Variants in FAM83F observed in about 807,000 individuals in gnomAD.
The protein encoded by FAM83F is protein FAM83F.
FAM83F carries 45 observed loss-of-function variants against 42.9 expected under a neutral mutation model. That is an observed-to-expected ratio of 1.05 (90% CI 0.83 to 1.35). The LOEUF (loss-of-function observed/expected upper bound fraction) is 1.35. FAM83F is among the 40% of genes most tolerant of loss of function. The pLI, the probability that FAM83F is intolerant of heterozygous loss-of-function variation, is 0.00. For missense variants in FAM83F, 617 were observed against 695.9 expected (o/e 0.89, Z 1.28); for synonymous variants, 306 against 298.3 (o/e 1.03, Z -0.27).
chr22:40,014,679 C>T (rs995454148), intron 1 of FAM83F, among the ~76,000 whole-genome samples: 1 of 152,152 alleles, frequency 6.6e-6, no homozygotes, highest in Admixed American at 6.5e-5. Flanking sequence ...TACATCTCCT[C>T]CTTTTTTGTC....
At chr22:40,010,049 T>C (rs1203453174) in intron 1 of FAM83F, 1 of 152,204 alleles carries the variant, frequency 6.6e-6, no homozygotes. Context: ...CCAATGCGCC[T>C]GCGACAGCTT....
chr22:40,017,535 G>A (rs993743506), intron 1 of FAM83F, among the ~76,000 whole-genome samples: 1 of 152,200 alleles, frequency 6.6e-6, no homozygotes, highest in Admixed American at 6.5e-5. Flanking sequence ...GCCTGGCCCT[G>A]CACTCAGCAC....
At chr22:40,005,516 G>A (rs1243634755) in intron 1 of FAM83F, among the ~76,000 whole-genome samples, 2 of 152,256 alleles carry the variant, frequency 1.3e-5, no homozygotes, top group Admixed American at 6.5e-5. Context: ...GTCACAACAC[G>A]TGGCTGTTCA....
Position 40,019,351 on chromosome 22 carries a change from G to A in FAM83F, c.657+16G>A, listed in dbSNP as rs755672709. 1.9e-6 allele frequency: 3 copies of A among 1,611,044 alleles called. No homozygotes were observed. The highest frequency in any genetic ancestry group is 1.3e-5 in the African/African-American group (1 of 74,856). ...CCGGATTCGGGTAAGTTGCACCACT[G>A]GGGTGGAAAGTGGACAGGAGATGAG... On this transcript the variant is annotated intron_variant, in intron 2 of 4. Transcript: ENST00000333407.
rs1435816232 is a variant in FAM83F at position 40,043,120 on chromosome 22, A to G, written c.*13555A>G. ...ATTTGCTGAAAGGCTCTAAGTGTTG[A>G]GCATTGTTACTATGTTACAATGGTT... On this transcript the variant is annotated 3_prime_UTR_variant, in exon 5 of 5. Coordinates refer to ENST00000333407, the MANE Select transcript of FAM83F (RefSeq NM_138435.4). 1 of 152,176 alleles carries G rather than the reference A, an allele frequency of 6.6e-6. No individual in the cohort carries two copies. The highest frequency in any genetic ancestry group is 1.5e-5 in the Non-Finnish European group (1 of 68,044). The allele number at this position is 152,176 out of a possible 1,614,324, so 9.4% of individuals were successfully genotyped here.
rs368950991 is a variant in FAM83F, at chr22:40,005,856, G to A, written c.489+10325G>A. Among the ~76,000 whole-genome samples, 75 of 152,322 alleles carry A rather than the reference G, an allele frequency of 4.9e-4. 2 individuals carry two copies. In the South Asian group the frequency reaches 0.013, roughly 27 times the overall value. ...ATTAGTGAGTCCAAGACAATGGAAC[G>A]CGGCCACAGATAGCTGGGAAGCCCC... On this transcript the variant is annotated intron_variant, in intron 1 of 4. Coordinates refer to ENST00000333407, the MANE Select transcript of FAM83F (RefSeq NM_138435.4).
intron 1 of FAM83F, among the ~76,000 whole-genome samples, chr22:40,010,394 T>C (rs1330538709): frequency 1.3e-5 from 2 of 152,130 alleles, no homozygotes; most frequent in African/African-American, 4.8e-5. Context: ...CGGAGGGTAA[T>C]TATCACTTCT....
intron 1 of FAM83F, among the ~76,000 whole-genome samples, chr22:40,001,786 G>A (rs1211481904): frequency 6.6e-6 from 1 of 152,222 alleles, no homozygotes; most frequent in Non-Finnish European, 1.5e-5. Flanking sequence ...TGTCATCTCT[G>A]CCTTTTTGCA....
At chr22:40,015,880 C>T (rs962249826) in intron 1 of FAM83F, among the ~76,000 whole-genome samples, 1 of 152,184 alleles carries the variant, frequency 6.6e-6, no homozygotes, top group African/African-American at 2.4e-5. Flanking sequence ...TTGAAATCAG[C>T]GTTGTAGCTT....
chr22:40,006,135 G>T (rs1049153860), intron 1 of FAM83F, among the ~76,000 whole-genome samples: 1 of 152,142 alleles, frequency 6.6e-6, no homozygotes, highest in South Asian at 2.1e-4. Flanking sequence ...AGCTACTCGG[G>T]AGGCTGGGGC....
chr22:40,029,666 G>C lies in FAM83F; in HGVS notation c.*101G>C. On this transcript the variant is annotated 3_prime_UTR_variant, in exon 5 of 5. Coordinates refer to ENST00000333407, the MANE Select transcript of FAM83F (RefSeq NM_138435.4). Reference sequence around the variant, plus strand: ...CACTGCACCAGTTTGCACATCAGACGCCAACTGGCCTTCTGCCCTGCAGCC... The same window carrying C: ...CACTGCACCAGTTTGCACATCAGACCCCAACTGGCCTTCTGCCCTGCAGCC... 1 of 1,498,960 alleles carries C rather than the reference G, an allele frequency of 6.7e-7. No homozygotes were observed. The highest frequency in any genetic ancestry group is 9.0e-7 in the Non-Finnish European group (1 of 1,113,722). 92.9% of individuals were successfully genotyped at this position (1,498,960 alleles called of 1,614,324 possible). A position where few individuals can be genotyped will look rare whatever the true frequency, so the allele number is the denominator to read the frequency against.
rs915355558 is a variant in FAM83F, at chr22:40,021,952, C to T, written c.1442C>T (p.Ala481Val). ...AAGAGGCCCAACGAGAATTCCAGTG[C>T]TGACATCTCAGGTGAGCCCTCTTCC... The part of the protein sequence containing the change: ...TGKRPNENSS[A>V]DISGKTSPSS... Residue 481 changes from alanine (A) to valine (V), a missense_variant, in exon 4 of 5, where the codon GCT (alanine) becomes GTT (valine). Ala to Val is a moderately conservative substitution (Grantham distance 64). Coordinates refer to ENST00000333407, the MANE Select transcript of FAM83F (RefSeq NM_138435.4). The surrounding 1 kb of genome is among the most constrained non-coding windows in gnomAD (Gnocchi z 8.7). 6.4e-7 allele frequency: 1 copy of T among 1,559,896 alleles called. No homozygotes were observed.
intron 1 of FAM83F, among the ~76,000 whole-genome samples, chr22:40,005,374 A>AGCT (rs2067422185): frequency 6.6e-6 from 1 of 152,216 alleles, no homozygotes; most frequent in Admixed American, 6.5e-5. Flanking sequence ...TGTTAAAATG[A>AGCT]GCTTGCATTA....
At position 39,995,499 on chromosome 22, in the gene FAM83F, G is replaced by T; in HGVS notation, c.457G>T (p.Val153Leu). 1.9e-6 allele frequency: 3 copies of T among 1,577,640 alleles called. No homozygotes were observed. Among genetic ancestry groups the T allele is most frequent in the South Asian group, 1.2e-5 (1 of 86,496 alleles). ...CGAGAAGGCGCCGCACCTCAAGCAG[G>T]TGGTCAGGCAGATGATCCAACAGGC... The part of the protein sequence containing the change: ...KDEKAPHLKQ[V>L]VRQMIQQAQK... Residue 153 changes from valine (V) to leucine (L), a missense_variant, in exon 1 of 5, where the codon GTG becomes TTG. Coordinates refer to ENST00000333407, the MANE Select transcript of FAM83F (RefSeq NM_138435.4). This position sits in a 1 kb window ranked among gnomAD's most constrained non-coding sequence, Gnocchi z 4.6.
At chr22:39,999,837 C>T (rs1460831879) in intron 1 of FAM83F, among the ~76,000 whole-genome samples, 1 of 152,210 alleles carries the variant, frequency 6.6e-6, no homozygotes, top group Admixed American at 6.5e-5. Context: ...CCAGGCTGGT[C>T]CCTAACCCAC....
intron 4 of FAM83F, among the ~76,000 whole-genome samples, chr22:40,028,603 G>A (rs867873856): frequency 5.3e-5 from 8 of 152,316 alleles, no homozygotes; most frequent in African/African-American, 1.9e-4. Context: ...CCGGAGGTCC[G>A]AGAGCAGGAA....
chr22:40,030,876 A>G lies in FAM83F; in HGVS notation c.*1311A>G, dbSNP rs944679007. 6.6e-6 allele frequency: 1 copy of G among 152,310 alleles called. No homozygotes were observed. Among genetic ancestry groups the G allele is most frequent in the Non-Finnish European group, 1.5e-5 (1 of 68,142 alleles). The allele number at this position is 152,310 out of a possible 1,614,324, so 9.4% of individuals were successfully genotyped here. On this transcript the variant is annotated 3_prime_UTR_variant, in exon 5 of 5. Transcript: ENST00000333407. Reference sequence around the variant, plus strand: ...CTTTCCTTCTAAAAAACCCTAGGACACTACCAGCACCTGGGGGAGGGGTAC... The same window carrying G: ...CTTTCCTTCTAAAAAACCCTAGGACGCTACCAGCACCTGGGGGAGGGGTAC...
chr22:40,021,839 C>A lies in FAM83F; in HGVS notation c.1329C>A (p.Phe443Leu), dbSNP rs1177743774. 1 of 1,612,552 alleles carries A rather than the reference C, an allele frequency of 6.2e-7. No individual in the cohort carries two copies. Among genetic ancestry groups the A allele is most frequent in the Admixed American group, 1.7e-5 (1 of 60,014 alleles). The change falls in exon 4 of 5, where the codon TTC (phenylalanine) becomes TTA (leucine). Residue 443 changes from phenylalanine (F) to leucine (L), a missense_variant. Phe to Leu is a conservative substitution (Grantham distance 22, BLOSUM62 0). Transcript: ENST00000333407. The surrounding 1 kb of genome is among the most constrained non-coding windows in gnomAD (Gnocchi z 8.7). ...APARRFSSRL[F>L]SRRAKRPAAP... Reference sequence around the variant, plus strand: ...CCAGGCGCTTCAGCAGCAGGCTCTTCAGTCGCCGAGCCAAGAGGCCTGCGG... The same window carrying A: ...CCAGGCGCTTCAGCAGCAGGCTCTTAAGTCGCCGAGCCAAGAGGCCTGCGG...
intron 1 of FAM83F, among the ~76,000 whole-genome samples, chr22:40,003,738 G>A (rs2067413371): frequency 6.6e-6 from 1 of 152,026 alleles, no homozygotes; most frequent in African/African-American, 2.4e-5. Context: ...CTTAGCCCTG[G>A]AAGAGAGCCT....
Sources: allele counts gnomAD v4.1 joint callset (sites outside exome capture counted in the v4.1 genomes callset), GRCh38; gene constraint gnomAD v4.1.1; non-coding constraint Gnocchi (gnomAD v3.1); transcripts MANE v1.5; gene names NCBI Gene and HGNC (gene_info 2026-07-23, HGNC 2026-07-21).